TUT1: variants seen among roughly 807,000 people sequenced by gnomAD.
TUT1 encodes terminal uridylyl transferase 1, U6 snRNA-specific.
Under a neutral mutation model 48.8 loss-of-function variants are expected in TUT1, and 26 were observed. The observed-to-expected ratio is 0.53, with a 90% CI of 0.39 to 0.74. The LOEUF (loss-of-function observed/expected upper bound fraction) is 0.74, where lower values mean the gene tolerates loss of function less well. TUT1 is among the 30% of genes least tolerant of loss of function. The probability of loss-of-function intolerance (pLI) is 0.00; values close to 1 mark genes in which losing one functional copy is unlikely to be tolerated. For synonymous variants in TUT1, 470 were observed against 460.8 expected (o/e 1.02, Z -0.26); for missense variants, 1,065 against 1,114.8 (o/e 0.96, Z 0.64).
chr11:62,591,311 AG>A, intron 1 of TUT1, 92 bp downstream of exon 1: 1 of 1,440,542 alleles, frequency 6.9e-7, no homozygotes, highest in African/African-American at 1.4e-5. Context: ...CAACTTGACA[AG>A]AACGACTGAC....
chr11:62,581,226 GA>G lies in TUT1; in HGVS notation c.590-21del, dbSNP rs1227069708. The G allele has an allele frequency of 1.9e-6, 3 of 1,611,410 alleles. No homozygotes were observed. In the South Asian group the frequency reaches 3.3e-5, roughly 18 times the overall value. ...CACAGCCTGGGTGCCGAGCAGAGAA[GA>G]AAGGTCAAGAGAAGTTAGGGAGGAG... is the stretch of plus-strand genomic sequence containing the variant. On this transcript the variant is annotated intron_variant, in intron 3 of 8. Coordinates refer to ENST00000476907, the MANE Select transcript of TUT1 (RefSeq NM_022830.3).
chr11:62,578,336 G>A (rs1030235473), intron 5 of TUT1, among the ~76,000 whole-genome samples: 1 of 151,738 alleles, frequency 6.6e-6, no homozygotes, highest in Admixed American at 6.6e-5. Flanking sequence ...ACCTGAGGTC[G>A]GGAGTTCAAG....
rs781645248 is a variant in TUT1, at chr11:62,581,203, C to T, written c.593G>A (p.Cys198Tyr). ...QEVFTEFFPG[C>Y]VVHPFGSSIN... Reference sequence around the variant, plus strand: ...GGAAGAGCCAAAAGGGTGGACCACACAGCCTGGGTGCCGAGCAGAGAAGAA... The same window carrying T: ...GGAAGAGCCAAAAGGGTGGACCACATAGCCTGGGTGCCGAGCAGAGAAGAA... The change falls in exon 4 of 9, where the codon TGT (cysteine) becomes TAT (tyrosine). Residue 198 changes from cysteine to tyrosine, a missense_variant. Coordinates refer to ENST00000476907, the MANE Select transcript of TUT1 (RefSeq NM_022830.3). 2 of 1,613,982 alleles carry T rather than the reference C, an allele frequency of 1.2e-6. No homozygotes were observed. Among genetic ancestry groups the T allele is most frequent in the Non-Finnish European group, 1.7e-6 (2 of 1,179,932 alleles).
Position 62,577,070 on chromosome 11 carries a change from C to CTAAA in TUT1, c.1271-54_1271-53insTTTA, listed in dbSNP as rs1941741373. 1.9e-6 allele frequency: 3 copies of CTAAA among 1,596,512 alleles called. No individual in the cohort carries two copies. In the East Asian group the frequency reaches 6.7e-5, roughly 36 times the overall value. On this transcript the variant is annotated intron_variant, in intron 6 of 8. Transcript: ENST00000476907. ...AGATCAGAGGTGCTTCTAATCCCCT[C>CTAAA]ACTGGCAGTTTTCTCAACCCCGGTG...
intron 5 of TUT1, 53 bp downstream of exon 5, chr11:62,578,508 G>C: frequency 6.7e-7 from 1 of 1,503,482 alleles, no homozygotes; most frequent in Non-Finnish European, 9.0e-7. Context: ...TGGCACCACT[G>C]TACTCCAGCC....
intron 2 of TUT1, among the ~76,000 whole-genome samples, chr11:62,584,972 C>T (rs565931726): frequency 1.3e-5 from 2 of 151,718 alleles, no homozygotes; most frequent in East Asian, 3.9e-4. Flanking sequence ...CAGGAATCTG[C>T]CACTACGCCC....
rs775307459 is a variant in TUT1 at position 62,575,849 on chromosome 11, C to T, written c.1870G>A (p.Val624Met). The T allele has an allele frequency of 5.0e-6, 8 of 1,614,100 alleles. No individual in the cohort carries two copies. In the African/African-American group the frequency reaches 1.1e-4, roughly 22 times the overall value. Residue 624 changes from valine (V) to methionine (M), a missense_variant, in exon 9 of 9, where the codon GTG becomes ATG. Coordinates refer to ENST00000476907, the MANE Select transcript of TUT1 (RefSeq NM_022830.3). ...CCCAGTGCTTCCCTGAATACCTGCACCAGGGCAGCAGTGAGCTGGGTGAAG... is the reference window on the plus strand; with the variant it reads ...CCCAGTGCTTCCCTGAATACCTGCATCAGGGCAGCAGTGAGCTGGGTGAAG... ...APFTQLTAALVQVFREALGCH... is the reference protein window; with the variant it reads ...APFTQLTAALMQVFREALGCH...
At chr11:62,587,774 T>A (rs560069765) in intron 2 of TUT1, among the ~76,000 whole-genome samples, 33 of 152,356 alleles carry the variant, frequency 2.2e-4, no homozygotes, top group African/African-American at 7.2e-4. Context: ...ACCTAAGCCA[T>A]GCCTACATAA....
At position 62,585,478 on chromosome 11, in the gene TUT1, C is replaced by T. The variant is rs74907833; in HGVS notation, c.273+3553G>A. 5.4e-3 allele frequency among the ~76,000 whole-genome samples: 821 copies of T among 152,258 alleles called. 6 individuals carry two copies. The highest frequency in any genetic ancestry group is 0.017 in the Middle Eastern group (5 of 294). On this transcript the variant is annotated intron_variant, in intron 2 of 8. Coordinates refer to ENST00000476907, the MANE Select transcript of TUT1 (RefSeq NM_022830.3). The stretch of plus-strand genomic sequence containing the variant: ...GTCTCTTTCACTGGGCCTGTCTGTG[C>T]TCCTATTTTTCTCCAAAACCTCACA...
chr11:62,579,084 T>C, intron 4 of TUT1, 54 bp from the exon 5 acceptor site: 3 of 1,311,388 alleles, frequency 2.3e-6, no homozygotes, highest in Non-Finnish European at 3.1e-6. Context: ...TAAGCAGGGA[T>C]CTCTCAAGAT....
chr11:62,584,828 C>CT (rs558051358), intron 2 of TUT1, among the ~76,000 whole-genome samples: 55 of 139,590 alleles, frequency 3.9e-4, no homozygotes, highest in Admixed American at 5.0e-4. Context: ...TTTTATTTTA[C>CT]TTTTTTTTTT....
intron 1 of TUT1, among the ~76,000 whole-genome samples, chr11:62,590,701 T>C (rs1941996516): frequency 1.3e-5 from 2 of 150,492 alleles, no homozygotes; most frequent in South Asian, 4.2e-4. Context: ...TAGACTCAAC[T>C]ACTTGGGAGG....
At chr11:62,587,092 C>CA (rs202002182) in intron 2 of TUT1, among the ~76,000 whole-genome samples, 99,031 of 108,298 alleles carry the variant, frequency 0.91, 45,767 homozygotes, top group Non-Finnish European at 0.98. Flanking sequence ...AACTCCCTCT[C>CA]AAAAAAAAAA....
chr11:62,580,808 A>G (rs1008836669), intron 4 of TUT1, among the ~76,000 whole-genome samples: 20 of 151,376 alleles, frequency 1.3e-4, no homozygotes, highest in Admixed American at 9.2e-4. Flanking sequence ...GGGTTTCACT[A>G]TATGTTGGCC....
chr11:62,575,180 G>A lies in TUT1; in HGVS notation c.2539C>T (p.Pro847Ser), dbSNP rs1382853701. Residue 847 changes from proline to serine, a missense_variant, in exon 9 of 9, where the codon CCG (proline) becomes TCG (serine). Physicochemically the swap from Pro to Ser is moderately conservative, Grantham distance 74. Transcript: ENST00000476907. ...AACAGGCCTTGGGGATCCTGGAGCG[G>A]GGTCACAGTGAGCATTCGGTCAGCC... ...SPADRMLTVT[P>S]LQDPQGLFPD... is the part of the protein sequence containing the mutation. 1 of 1,610,644 alleles carries A rather than the reference G, an allele frequency of 6.2e-7. No homozygotes were observed. Among genetic ancestry groups the A allele is most frequent in the African/African-American group, 1.3e-5 (1 of 74,872 alleles).
chr11:62,590,403 G>A (rs1246805442), intron 1 of TUT1, among the ~76,000 whole-genome samples: 4 of 152,224 alleles, frequency 2.6e-5, no homozygotes, highest in East Asian at 1.9e-4. Flanking sequence ...TTGGGAGGCC[G>A]AGGCGGGCGG....
rs1394046491 is a variant in TUT1, at chr11:62,576,663, G to A, written c.1468C>T (p.Pro490Ser). 6.2e-7 allele frequency: 1 copy of A among 1,614,040 alleles called. No individual in the cohort carries two copies. The highest frequency in any genetic ancestry group is 2.2e-5 in the East Asian group (1 of 44,892). Residue 490 changes from proline (P) to serine (S), a missense_variant, in exon 8 of 9, where the codon CCC (proline) becomes TCC (serine). Physicochemically the swap from Pro to Ser is moderately conservative, Grantham distance 74. Transcript: ENST00000476907. ...CCAGGCTCCCCAAACTCACTGAGGGGCTCCACATTTATGCTGGGCTCCAGT... is the reference window on the plus strand; with the variant it reads ...CCAGGCTCCCCAAACTCACTGAGGGACTCCACATTTATGCTGGGCTCCAGT... ...SRLEPSINVE[P>S]LSSLLAQFFS... is the part of the protein sequence containing the mutation.
At chr11:62,584,753 AC>A (rs1941882466) in intron 2 of TUT1, among the ~76,000 whole-genome samples, 1 of 149,952 alleles carries the variant, frequency 6.7e-6, no homozygotes, top group African/African-American at 2.5e-5. Context: ...CCAATTGTAT[AC>A]TTTTTGTTTG....
At chr11:62,578,006 A>G (rs180893966) in intron 5 of TUT1, among the ~76,000 whole-genome samples, 1 of 148,484 alleles carries the variant, frequency 6.7e-6, no homozygotes, top group Non-Finnish European at 1.5e-5. Context: ...GGATCCAGTG[A>G]GCTGAGATCG....
Sources: gnomAD v4.1 joint callset for allele counts (sites outside exome capture counted in the v4.1 genomes callset) on GRCh38, gnomAD v4.1.1 for gene constraint, MANE v1.5 for transcripts, NCBI Gene and HGNC (gene_info 2026-07-23, HGNC 2026-07-21) for gene names.